The following ARL17B variants were observed in gnomAD, a reference collection of about 807,000 sequenced individuals.
The protein encoded by ARL17B is ADP-ribosylation factor-like protein 17.
At chr17:46,291,560 C>A (rs2532424) in intron 4 of ARL17B, among the ~76,000 whole-genome samples, 28,191 of 150,802 alleles carry the variant, frequency 0.19, 2,705 homozygotes, top group East Asian at 0.37. Flanking sequence ...AAGAAAACAA[C>A]ACTCCTCTCA....
chr17:46,280,569 C>CTTTTTTTTT (rs56981193), intron 4 of ARL17B, among the ~76,000 whole-genome samples: 4 of 112,004 alleles, frequency 3.6e-5, no homozygotes, highest in Non-Finnish European at 6.8e-5. Context: ...TGATAGCACA[C>CTTTTTTTTT]TTTTTTTTTT....
Position 46,292,463 on chromosome 17 carries a change from G to A in ARL17B, c.*21+7063C>T, listed in dbSNP as rs540166002. 1.5e-3 allele frequency among the ~76,000 whole-genome samples: 123 copies of A among 81,084 alleles called. 38 individuals are homozygous for A. The highest frequency in any genetic ancestry group is 3.7e-3 in the African/African-American group (117 of 31,868). The allele number at this position is 81,084 out of a possible 152,430, so 53.2% of individuals were successfully genotyped here. On this transcript the variant is annotated intron_variant, in intron 4 of 4. Transcript: ENST00000570618. ...CATTCTCAGGAAAATGTGAAACTCT[G>A]AAACTGCTTTTTGAGTGCAGGGTAT... is the stretch of plus-strand genomic sequence containing the variant.
At chr17:46,275,286 A>T (rs2049556896) in exon 5 of ARL17B, 1 of 602,818 alleles carries the variant, frequency 1.7e-6, no homozygotes, top group Non-Finnish European at 2.7e-6. Context: ...AAGTCTTGTC[A>T]GGATAGCCTC....
chr17:46,288,247 T>A (rs1437007436), intron 4 of ARL17B, among the ~76,000 whole-genome samples: 3 of 149,928 alleles, frequency 2.0e-5, no homozygotes, highest in Non-Finnish European at 4.4e-5. Flanking sequence ...GCTCACATGA[T>A]CCTCCCACCT....
chr17:46,333,164 T>A (rs1268069886), downstream of ARL17B, among the ~76,000 whole-genome samples: 2 of 105,296 alleles, frequency 1.9e-5, 1 homozygote, highest in Non-Finnish European at 4.6e-5. Flanking sequence ...TAGGTCCAGT[T>A]AAAGCACTAC....
chr17:46,284,975 C>G (rs1240794444), intron 4 of ARL17B, among the ~76,000 whole-genome samples: 1 of 152,168 alleles, frequency 6.6e-6, no homozygotes, highest in Non-Finnish European at 1.5e-5. Flanking sequence ...GTGATCCTCT[C>G]ACCTCAGCCT....
chr17:46,281,131 C>T (rs1245478622), intron 4 of ARL17B, among the ~76,000 whole-genome samples: 3 of 152,094 alleles, frequency 2.0e-5, no homozygotes, highest in Non-Finnish European at 1.5e-5. Flanking sequence ...TTCTTTTATT[C>T]TTAATGTTTG....
chr17:46,323,576 T>C (rs2051520591), intron 3 of ARL17B, among the ~76,000 whole-genome samples: 1 of 93,250 alleles, frequency 1.1e-5, no homozygotes, highest in South Asian at 5.7e-4. Context: ...TTTGTATTTT[T>C]AGTAGAGACA....
At chr17:46,332,907 C>T (rs1046067215), downstream of ARL17B, among the ~76,000 whole-genome samples, 11 of 151,322 alleles carry the variant, frequency 7.3e-5, no homozygotes, top group East Asian at 3.9e-4. Flanking sequence ...TTTAAGAAGT[C>T]GATATAATAG....
rs2050138284 is a variant in ARL17B at position 46,293,796 on chromosome 17, G to A, written c.*21+5730C>T. 2.4e-5 allele frequency: 7 copies of A among 288,130 alleles called. 3 individuals are homozygous for A. In the Admixed American group the frequency reaches 8.3e-4, roughly 34 times the overall value. The allele number at this position is 288,130 out of a possible 1,614,324, so 17.8% of individuals were successfully genotyped here. A position where few individuals can be genotyped will look rare whatever the true frequency, so the allele number is the denominator to read the frequency against. Reference sequence around the variant, plus strand: ...TAAGAAGTCTAGCTTCCTGTGAAATGTGAGAGGAAGTCAGCACTCATTTCA... The same window carrying A: ...TAAGAAGTCTAGCTTCCTGTGAAATATGAGAGGAAGTCAGCACTCATTTCA... On this transcript the variant is annotated intron_variant, in intron 4 of 4. Transcript: ENST00000570618.
At chr17:46,279,175 C>CTTTTTTTCTTTTTTTTTTTTT in intron 4 of ARL17B, among the ~76,000 whole-genome samples, 1 of 147,784 alleles carries the variant, frequency 6.8e-6, no homozygotes, top group Non-Finnish European at 1.5e-5. Flanking sequence ...ATAAGGCATT[C>CTTTTTTTCTTTTTTTTTTTTT]TTTTTTTTCT....
chr17:46,283,425 C>T (rs2049823238), intron 4 of ARL17B, among the ~76,000 whole-genome samples: 1 of 152,242 alleles, frequency 6.6e-6, no homozygotes, highest in African/African-American at 2.4e-5. Flanking sequence ...TTCTTATTGT[C>T]AGTGAAAACA....
intron 4 of ARL17B, among the ~76,000 whole-genome samples, chr17:46,277,612 CTCTGG>C (rs1170229746): frequency 2.1e-4 from 32 of 151,834 alleles, no homozygotes; most frequent in Admixed American, 8.6e-4. Context: ...CCTTTCAGTT[CTCTGG>C]GTAGATTTCT....
At chr17:46,280,099 G>A (rs377398273) in intron 4 of ARL17B, among the ~76,000 whole-genome samples, 6 of 152,192 alleles carry the variant, frequency 3.9e-5, no homozygotes, top group Admixed American at 2.0e-4. Context: ...CTGGCCAGGC[G>A]CGGTGGCTCA....
chr17:46,274,803 A>C (rs1186766221), exon 5 of ARL17B: 2 of 152,450 alleles, frequency 1.3e-5, no homozygotes, highest in Non-Finnish European at 2.9e-5. Context: ...TTTAATAAAC[A>C]AAATTTTCTC....
At chr17:46,289,734 A>G in intron 4 of ARL17B, among the ~76,000 whole-genome samples, 1 of 152,234 alleles carries the variant, frequency 6.6e-6, no homozygotes. Flanking sequence ...CCTAAATCTT[A>G]TAGTCTCTCA....
intron 4 of ARL17B, among the ~76,000 whole-genome samples, chr17:46,279,864 A>T (rs2049712282): frequency 6.6e-6 from 1 of 152,138 alleles, no homozygotes; most frequent in Admixed American, 6.6e-5. Flanking sequence ...TATCCCTGAC[A>T]TTCTTTGGCT....
intron 4 of ARL17B, among the ~76,000 whole-genome samples, chr17:46,283,274 A>G (rs891596460): frequency 6.6e-6 from 1 of 152,256 alleles, no homozygotes; most frequent in African/African-American, 2.4e-5. Flanking sequence ...ATACACTGAG[A>G]CTTCTGAAAA....
At chr17:46,354,618 GAAT>G (rs1270669914) in intron 2 of ARL17B, among the ~76,000 whole-genome samples, 6 of 108,596 alleles carry the variant, frequency 5.5e-5, no homozygotes, top group Admixed American at 9.3e-5. Context: ...AAAAAAGAAA[GAAT>G]AATCGCCCCA....
Sources: gnomAD v4.1 joint callset for allele counts (sites outside exome capture counted in the v4.1 genomes callset) on GRCh38, gnomAD v4.1.1 for gene constraint, MANE v1.5 for transcripts, NCBI Gene and HGNC (gene_info 2026-07-23, HGNC 2026-07-21) for gene names.